Variants in ATP6V1H observed in about 807,000 individuals in gnomAD.
ATP6V1H encodes the protein ATPase H+ transporting V1 subunit H.
In ATP6V1H, 39 loss-of-function variants were observed where a neutral mutation model predicts 71.7. The ratio of observed to expected loss-of-function variants is 0.54; its 90% CI spans 0.42 to 0.71. The LOEUF (loss-of-function observed/expected upper bound fraction) is 0.71. ATP6V1H is among the 30% of genes least tolerant of loss of function. The pLI is 0.00. For synonymous variants in ATP6V1H, 192 were observed against 199.3 expected, an observed-to-expected ratio of 0.96 and a Z score of 0.31; for missense variants, 509 against 594.9, an observed-to-expected ratio of 0.86 and a Z score of 1.50.
At chr8:53,817,591 C>G (rs984713402) in intron 4 of ATP6V1H, 61 bp from the exon 5 acceptor site, 4 of 997,794 alleles carry the variant, frequency 4.0e-6, no homozygotes, top group Non-Finnish European at 4.5e-6. Context: ...AATGTAACGA[C>G]TGTGCACCAC....
intron 12 of ATP6V1H, among the ~76,000 whole-genome samples, chr8:53,752,599 G>A (rs1038020749): frequency 1.3e-5 from 2 of 151,968 alleles, no homozygotes; most frequent in African/African-American, 4.8e-5. Flanking sequence ...TTGCCAGGCT[G>A]GAGTGCAGTG....
chr8:53,760,558 T>C (rs1290759226), intron 11 of ATP6V1H, among the ~76,000 whole-genome samples: 1 of 152,226 alleles, frequency 6.6e-6, no homozygotes, highest in African/African-American at 2.4e-5. Flanking sequence ...TTAATAAGCC[T>C]TCACTTCTGC....
At chr8:53,797,686 A>T (rs1459915251) in intron 8 of ATP6V1H, among the ~76,000 whole-genome samples, 3 of 147,254 alleles carry the variant, frequency 2.0e-5, no homozygotes, top group African/African-American at 5.0e-5. Context: ...CTCAAGAGTC[A>T]TTTTTTTTTT....
chr8:53,742,730 G>A (rs1288590707), intron 13 of ATP6V1H, among the ~76,000 whole-genome samples: 3 of 152,216 alleles, frequency 2.0e-5, no homozygotes, highest in Admixed American at 2.0e-4. Flanking sequence ...CTCCTACACT[G>A]TATGTGCCTG....
chr8:53,797,063 A>T (rs1170647167), intron 8 of ATP6V1H, among the ~76,000 whole-genome samples: 1 of 152,250 alleles, frequency 6.6e-6, no homozygotes, highest in African/African-American at 2.4e-5. Flanking sequence ...ATAAACTGCT[A>T]TAAAATCATG....
intron 6 of ATP6V1H, among the ~76,000 whole-genome samples, chr8:53,813,820 A>G (rs758123067): frequency 5.3e-5 from 8 of 152,126 alleles, no homozygotes; most frequent in Non-Finnish European, 1.2e-4. Context: ...CAAGCAACCA[A>G]CATGACCAGT....
chr8:53,797,245 G>C lies in ATP6V1H; in HGVS notation c.678-1406C>G, dbSNP rs73680309. Among the ~76,000 whole-genome samples the C allele has an allele frequency of 2.2e-3, 337 of 152,286 alleles. 2 individuals are homozygous for C. The highest frequency in any genetic ancestry group is 7.8e-3 in the African/African-American group (326 of 41,552). On this transcript the variant is annotated intron_variant, in intron 8 of 13. Transcript: ENST00000359530. Reference sequence around the variant, plus strand: ...GGCTATGCCAAGAACAGGAGCTAGAGGCTGACTTCAAGGAAGGAAGAACAG... The same window carrying C: ...GGCTATGCCAAGAACAGGAGCTAGACGCTGACTTCAAGGAAGGAAGAACAG...
chr8:53,771,213 T>C (rs1399718062), intron 10 of ATP6V1H, among the ~76,000 whole-genome samples: 1 of 152,208 alleles, frequency 6.6e-6, no homozygotes, highest in Non-Finnish European at 1.5e-5. Context: ...AGGGAAAAAG[T>C]AGCCAAACAA....
intron 13 of ATP6V1H, among the ~76,000 whole-genome samples, chr8:53,717,070 G>A (rs545885311): frequency 4.8e-4 from 73 of 152,276 alleles, no homozygotes; most frequent in African/African-American, 1.5e-3. Context: ...CAATACCATC[G>A]TCTCTTGCCT....
intron 9 of ATP6V1H, among the ~76,000 whole-genome samples, chr8:53,785,658 T>A (rs569983007): frequency 6.6e-6 from 1 of 152,330 alleles, no homozygotes; most frequent in Non-Finnish European, 1.5e-5. Flanking sequence ...TTTTTCCCCA[T>A]CTTTGTGGTT....
At chr8:53,813,040 A>G (rs2042992381) in intron 6 of ATP6V1H, among the ~76,000 whole-genome samples, 1 of 152,196 alleles carries the variant, frequency 6.6e-6, no homozygotes, top group South Asian at 2.1e-4. Flanking sequence ...AAAGCAGGAA[A>G]AAAGGGAGAA....
At chr8:53,840,225 C>A (rs960976260) in intron 2 of ATP6V1H, among the ~76,000 whole-genome samples, 16 of 152,144 alleles carry the variant, frequency 1.1e-4, no homozygotes, top group Admixed American at 1.0e-3. Flanking sequence ...GAGCCGGGCA[C>A]GGTGGCTCAC....
chr8:53,775,694 G>C (rs1193613652), intron 9 of ATP6V1H, among the ~76,000 whole-genome samples: 1 of 152,222 alleles, frequency 6.6e-6, no homozygotes, highest in Non-Finnish European at 1.5e-5. Flanking sequence ...GGCCCCACCA[G>C]AGCAGCTAGA....
chr8:53,748,868 A>G (rs190803830), intron 12 of ATP6V1H, among the ~76,000 whole-genome samples: 8 of 152,340 alleles, frequency 5.3e-5, no homozygotes, highest in Middle Eastern at 3.4e-3. Flanking sequence ...TTGGTCAATA[A>G]AAGGTTTGTG....
intron 7 of ATP6V1H, among the ~76,000 whole-genome samples, chr8:53,808,650 G>C (rs780134989): frequency 1.3e-5 from 2 of 151,994 alleles, no homozygotes; most frequent in Non-Finnish European, 2.9e-5. Context: ...CGTGCTTGTA[G>C]TCCCAGCTAC....
intron 12 of ATP6V1H, among the ~76,000 whole-genome samples, chr8:53,753,797 A>G (rs769737281): frequency 1.2e-4 from 19 of 152,182 alleles, no homozygotes; most frequent in Non-Finnish European, 2.2e-4. Context: ...TTTTTTAATG[A>G]TATTAATTTT....
At chr8:53,726,507 CA>C (rs1250522404) in intron 13 of ATP6V1H, among the ~76,000 whole-genome samples, 1 of 152,298 alleles carries the variant, frequency 6.6e-6, no homozygotes, top group East Asian at 1.9e-4. Context: ...TCATGACTAT[CA>C]AGTTCTGAAT....
In ATP6V1H at chr8:53,778,708, C is replaced by A. The variant is rs951818829; in HGVS notation, c.871-6541G>T. 3.3e-5 allele frequency among the ~76,000 whole-genome samples: 5 copies of A among 152,044 alleles called. No homozygotes were observed. The East Asian group carries it at 9.6e-4, about 29-fold the overall frequency. ...AGAAAACAAAGAGTAAAATGGTAGG[C>A]CTAAATCCAATCATATCAATAGTTA... On this transcript the variant is annotated intron_variant, in intron 9 of 13. Transcript: ENST00000359530.
chr8:53,778,182 T>C (rs754657536), intron 9 of ATP6V1H, among the ~76,000 whole-genome samples: 2 of 152,158 alleles, frequency 1.3e-5, no homozygotes, highest in Non-Finnish European at 2.9e-5. Context: ...AAAGAAATGT[T>C]ATGATAGTTT....
Sources: allele counts gnomAD v4.1 joint callset (sites outside exome capture counted in the v4.1 genomes callset), GRCh38; gene constraint gnomAD v4.1.1; transcripts MANE v1.5; gene names NCBI Gene and HGNC (gene_info 2026-07-23, HGNC 2026-07-21).